The following MAP3K5 variants were observed in gnomAD, a reference collection of about 807,000 sequenced individuals.
MAP3K5 encodes the protein ASK-1.
A neutral mutation model predicts 158.7 loss-of-function variants in MAP3K5; 56 were observed. That is an observed-to-expected ratio of 0.35 (90% CI 0.28 to 0.44). The LOEUF (loss-of-function observed/expected upper bound fraction) is 0.44. MAP3K5 is among the 20% of genes least tolerant of loss of function. The probability of loss-of-function intolerance (pLI) is 1.00; values close to 1 mark genes in which losing one functional copy is unlikely to be tolerated. For missense variants in MAP3K5, 1,294 were observed against 1,674.8 expected (o/e 0.77, Z 3.97); for synonymous variants, 579 against 601.7 (o/e 0.96, Z 0.55).
intron 15 of MAP3K5, among the ~76,000 whole-genome samples, chr6:136,620,079 G>T (rs1776735737): frequency 6.6e-6 from 1 of 152,172 alleles, no homozygotes; most frequent in Non-Finnish European, 1.5e-5. Context: ...AGACCAGCCT[G>T]GCCAACATGG....
At chr6:136,616,419 C>A (rs930681159) in intron 15 of MAP3K5, among the ~76,000 whole-genome samples, 11 of 151,462 alleles carry the variant, frequency 7.3e-5, no homozygotes, top group African/African-American at 2.7e-4. Flanking sequence ...ATTCTCCTGC[C>A]TCAGCCTCCC....
intron 23 of MAP3K5, among the ~76,000 whole-genome samples, chr6:136,591,581 C>A (rs1167876439): frequency 6.6e-6 from 1 of 152,186 alleles, no homozygotes; most frequent in East Asian, 1.9e-4. Flanking sequence ...GAACTTAACT[C>A]TTGTTTATGT....
rs145436436 is a variant in MAP3K5 at position 136,574,969 on chromosome 6, G to A, written c.3517+5332C>T. 4.9e-4 allele frequency among the ~76,000 whole-genome samples: 75 copies of A among 152,050 alleles called. No homozygotes were observed. In the East Asian group the frequency reaches 0.011, roughly 22 times the overall value. The stretch of plus-strand genomic sequence containing the variant: ...CTCCCAAAGTGCTGGGATTATAGGC[G>A]TGAGCCACCGCGCCCGGCCTAAACA... On this transcript the variant is annotated intron_variant, in intron 25 of 29. Transcript: ENST00000359015.
At chr6:136,561,834 T>C (rs559493721) in intron 27 of MAP3K5, among the ~76,000 whole-genome samples, 189 bp from the exon 28 acceptor site, 23 of 152,288 alleles carry the variant, frequency 1.5e-4, no homozygotes, top group African/African-American at 4.8e-4. Flanking sequence ...AATTTACTAG[T>C]AAATAAGGAG....
In MAP3K5 at chr6:136,567,741, A is replaced by G; in HGVS notation, c.3651T>C (p.Ala1217=). Residue 1217 remains alanine (A), a synonymous_variant, in exon 26 of 30, where the codon GCT becomes GCC. Coordinates refer to ENST00000359015, the MANE Select transcript of MAP3K5 (RefSeq NM_005923.4). ...VRRPQAVIED[A]VATSGVSTLS... is the part of the protein sequence containing the mutation. ...GCGTGCTCACGCCTGAGGTAGCCACAGCATCTTCAATGACAGCCTGAGGTC... is the reference window on the plus strand; with the variant it reads ...GCGTGCTCACGCCTGAGGTAGCCACGGCATCTTCAATGACAGCCTGAGGTC... 2 of 1,614,146 alleles carry G rather than the reference A, an allele frequency of 1.2e-6. No homozygotes were observed. Among genetic ancestry groups the G allele is most frequent in the Non-Finnish European group, 8.5e-7 (1 of 1,180,028 alleles).
chr6:136,638,913 CCA>C (rs1777780482), intron 13 of MAP3K5, among the ~76,000 whole-genome samples: 1 of 152,146 alleles, frequency 6.6e-6, no homozygotes, highest in Non-Finnish European at 1.5e-5. Flanking sequence ...CTCTAGTTTC[CCA>C]CAGTCAATCA....
chr6:136,744,006 G>T (rs1782824785), intron 1 of MAP3K5, among the ~76,000 whole-genome samples: 1 of 152,210 alleles, frequency 6.6e-6, no homozygotes, highest in Non-Finnish European at 1.5e-5. Flanking sequence ...GCCAAGGGTT[G>T]TGAGGAGGGA....
chr6:136,690,264 A>G (rs1014484974), intron 7 of MAP3K5, among the ~76,000 whole-genome samples: 3 of 152,170 alleles, frequency 2.0e-5, no homozygotes, highest in Non-Finnish European at 4.4e-5. Flanking sequence ...TATAAATGAT[A>G]CTGTACTCTG....
chr6:136,575,867 T>C (rs1463865647), intron 25 of MAP3K5, among the ~76,000 whole-genome samples: 1 of 152,208 alleles, frequency 6.6e-6, no homozygotes, highest in Non-Finnish European at 1.5e-5. Flanking sequence ...ACTGTAAAAT[T>C]ACTGTTTTCT....
intron 14 of MAP3K5, among the ~76,000 whole-genome samples, chr6:136,623,414 C>T (rs552122060): frequency 7.8e-4 from 118 of 152,170 alleles, no homozygotes; most frequent in Admixed American, 2.5e-3. Flanking sequence ...ATAAAACCAC[C>T]GAAAGGCTTT....
chr6:136,703,823 T>A (rs1473927325), intron 3 of MAP3K5, among the ~76,000 whole-genome samples: 1 of 152,226 alleles, frequency 6.6e-6, no homozygotes. Flanking sequence ...AAATTTCTGA[T>A]TTAAGGAGAA....
intron 20 of MAP3K5, 61 bp from the exon 21 acceptor site, chr6:136,601,103 G>A: frequency 6.5e-7 from 1 of 1,546,686 alleles, no homozygotes; most frequent in Non-Finnish European, 8.9e-7. Flanking sequence ...GTTAAACTGA[G>A]AAATCAACAA....
At chr6:136,592,643 A>T in intron 21 of MAP3K5, 29 bp from the exon 22 acceptor site, 1 of 1,589,936 alleles carries the variant, frequency 6.3e-7, no homozygotes, top group Admixed American at 1.7e-5. Flanking sequence ...GGGAAAAGAT[A>T]ATTGACACTT....
At chr6:136,719,132 C>T (rs531452810) in intron 2 of MAP3K5, among the ~76,000 whole-genome samples, 10 of 152,014 alleles carry the variant, frequency 6.6e-5, no homozygotes, top group African/African-American at 9.7e-5. Context: ...GCTGTGATCA[C>T]GACACTGCAT....
At chr6:136,559,697 TTTTA>T (rs1830420507) in intron 28 of MAP3K5, among the ~76,000 whole-genome samples, 2 of 152,194 alleles carry the variant, frequency 1.3e-5, no homozygotes, top group African/African-American at 4.8e-5. Context: ...TATTTTTAAA[TTTTA>T]TTTATTTTTT....
intron 3 of MAP3K5, among the ~76,000 whole-genome samples, chr6:136,699,128 C>G (rs192872900): frequency 6.6e-6 from 1 of 152,280 alleles, no homozygotes; most frequent in Non-Finnish European, 1.5e-5. Flanking sequence ...AAATCCACCC[C>G]CCGGGAGGCT....
chr6:136,665,439 T>G (rs1779185933), intron 8 of MAP3K5, among the ~76,000 whole-genome samples: 1 of 151,674 alleles, frequency 6.6e-6, no homozygotes, highest in African/African-American at 2.4e-5. Context: ...TTCCGTCTCC[T>G]GGGTTCAAGC....
intron 1 of MAP3K5, among the ~76,000 whole-genome samples, chr6:136,788,582 A>T (rs1008047729): frequency 3.2e-4 from 49 of 152,230 alleles, no homozygotes; most frequent in African/African-American, 1.2e-3. Context: ...GTTAAAAAGT[A>T]GGCGAAAGAT....
At chr6:136,641,509 A>AT (rs1464872102) in intron 12 of MAP3K5, among the ~76,000 whole-genome samples, 14 of 152,098 alleles carry the variant, frequency 9.2e-5, no homozygotes, top group Admixed American at 2.6e-4. Context: ...ATTCTTAAAA[A>AT]AATATATATA....
Sources: allele counts gnomAD v4.1 joint callset (sites outside exome capture counted in the v4.1 genomes callset), GRCh38; gene constraint gnomAD v4.1.1; transcripts MANE v1.5; gene names NCBI Gene and HGNC (gene_info 2026-07-23, HGNC 2026-07-21).